The following SLC35F4 variants were observed in gnomAD, a reference collection of about 807,000 sequenced individuals.
SLC35F4 encodes the protein solute carrier family 35 member F4.
In SLC35F4, 24 loss-of-function variants were observed where a neutral mutation model predicts 44.2. The ratio of observed to expected loss-of-function variants is 0.54; its 90% CI spans 0.39 to 0.76. The LOEUF is 0.76. Ranked by LOEUF, SLC35F4 falls within the 30% of genes least tolerant of loss-of-function variation. SLC35F4 has a pLI of 0.00. For synonymous variants in SLC35F4, 238 were observed against 223.6 expected (o/e 1.06, Z -0.57); for missense variants, 562 against 586.1 (o/e 0.96, Z 0.42).
intron 1 of SLC35F4, among the ~76,000 whole-genome samples, chr14:57,727,068 G>A (rs1025577999): frequency 6.6e-6 from 1 of 151,804 alleles, no homozygotes; most frequent in Non-Finnish European, 1.5e-5. Flanking sequence ...CTTGCAGATG[G>A]CCTATTGTGG....
chr14:57,954,669 A>G (rs953393227), intron 1 of SLC35F4, among the ~76,000 whole-genome samples: 1 of 152,194 alleles, frequency 6.6e-6, no homozygotes, highest in Non-Finnish European at 1.5e-5. Context: ...AAACTAGAAA[A>G]TCTAAAAGAA....
At chr14:57,697,775 G>C (rs1309364605) in intron 1 of SLC35F4, among the ~76,000 whole-genome samples, 2 of 151,742 alleles carry the variant, frequency 1.3e-5, no homozygotes, top group Non-Finnish European at 2.9e-5. Context: ...TAAGTTAACA[G>C]TCTGACATTT....
chr14:57,605,490 C>T (rs567902713), intron 1 of SLC35F4, among the ~76,000 whole-genome samples: 15 of 152,166 alleles, frequency 9.9e-5, no homozygotes, highest in South Asian at 2.1e-4. Context: ...AAATGAAATA[C>T]TTATATACTG....
chr14:57,751,643 T>C (rs1192006557), intron 1 of SLC35F4, among the ~76,000 whole-genome samples: 5 of 152,234 alleles, frequency 3.3e-5, no homozygotes, highest in Admixed American at 6.5e-5. Flanking sequence ...AGGCTCCTTA[T>C]AGTTTGAAGG....
Position 57,652,258 on chromosome 14 carries a change from A to G in SLC35F4, c.104-58134T>C, listed in dbSNP as rs74336666. Among the ~76,000 whole-genome samples the G allele has an allele frequency of 2.0e-4, 31 of 152,254 alleles. No individual in the cohort carries two copies. In the East Asian group the frequency reaches 3.9e-3, roughly 19 times the overall value. ...CTAGAATTTTAATGACTATCAATAA[A>G]CCAGAAACAAGAAATAAAAAGAAAC... On this transcript the variant is annotated intron_variant, in intron 1 of 7. Transcript: ENST00000556826.
intron 1 of SLC35F4, among the ~76,000 whole-genome samples, chr14:57,912,397 ACAAATTTCC>A (rs138182045): frequency 0.044 from 6,761 of 152,100 alleles, 422 homozygotes; most frequent in African/African-American, 0.14. Flanking sequence ...ACTCAAAGCA[ACAAATTTCC>A]CTTTAGAAAC....
intron 1 of SLC35F4, among the ~76,000 whole-genome samples, chr14:57,617,607 T>TCA (rs1177311121): frequency 6.6e-6 from 1 of 152,188 alleles, no homozygotes; most frequent in African/African-American, 2.4e-5. Context: ...ATGATGACCC[T>TCA]CACCTCACAG....
intron 1 of SLC35F4, among the ~76,000 whole-genome samples, chr14:57,601,118 C>T (rs2070801092): frequency 6.6e-6 from 1 of 151,916 alleles, no homozygotes; most frequent in African/African-American, 2.4e-5. Context: ...TTTAAAATAA[C>T]TTGGCTGTTG....
chr14:57,752,849 C>T (rs1355554304), intron 1 of SLC35F4, among the ~76,000 whole-genome samples: 1 of 152,180 alleles, frequency 6.6e-6, no homozygotes. Context: ...GAAACACTGA[C>T]ACCTCAGGAA....
intron 1 of SLC35F4, among the ~76,000 whole-genome samples, chr14:57,805,644 A>T (rs948645541): frequency 3.9e-5 from 6 of 152,128 alleles, no homozygotes; most frequent in Non-Finnish European, 5.9e-5. Flanking sequence ...GGGGAGAGAG[A>T]GCATCAGGAA....
At chr14:57,838,518 C>T (rs1039031711) in intron 1 of SLC35F4, among the ~76,000 whole-genome samples, 8 of 152,130 alleles carry the variant, frequency 5.3e-5, no homozygotes, top group African/African-American at 1.7e-4. Flanking sequence ...CTGAGCTTTG[C>T]TACATGAAAT....
At chr14:57,966,560 C>G (rs999899736) in intron 1 of SLC35F4, among the ~76,000 whole-genome samples, 1 of 152,164 alleles carries the variant, frequency 6.6e-6, no homozygotes, top group African/African-American at 2.4e-5. Flanking sequence ...TATATCACTG[C>G]TGACAAACTA....
chr14:57,768,380 A>T (rs1446983094), intron 1 of SLC35F4, among the ~76,000 whole-genome samples: 1 of 152,220 alleles, frequency 6.6e-6, no homozygotes, highest in African/African-American at 2.4e-5. Flanking sequence ...TTAGTCAAAG[A>T]GGTAAGAAAA....
intron 1 of SLC35F4, among the ~76,000 whole-genome samples, chr14:57,651,837 T>C (rs1353743678): frequency 1.3e-5 from 2 of 152,140 alleles, no homozygotes; most frequent in Non-Finnish European, 2.9e-5. Flanking sequence ...AAGTTTATCC[T>C]CCTCTGTCCA....
At chr14:57,910,041 A>G (rs1248663880) in intron 1 of SLC35F4, among the ~76,000 whole-genome samples, 1 of 152,086 alleles carries the variant, frequency 6.6e-6, no homozygotes, top group Non-Finnish European at 1.5e-5. Flanking sequence ...ACAATTCCCT[A>G]ATGATATATG....
At chr14:57,932,756 G>C (rs1889722383) in intron 1 of SLC35F4, among the ~76,000 whole-genome samples, 1 of 152,110 alleles carries the variant, frequency 6.6e-6, no homozygotes, top group Admixed American at 6.5e-5. Flanking sequence ...GGCTGAGACA[G>C]GAAAATTGCT....
intron 1 of SLC35F4, among the ~76,000 whole-genome samples, chr14:57,907,327 G>A (rs753236206): frequency 2.0e-5 from 3 of 152,186 alleles, no homozygotes; most frequent in Non-Finnish European, 4.4e-5. Flanking sequence ...CAAAATCTGT[G>A]TGGCTCACTT....
intron 1 of SLC35F4, among the ~76,000 whole-genome samples, chr14:57,896,871 A>T (rs1459164527): frequency 6.6e-6 from 1 of 152,170 alleles, no homozygotes; most frequent in East Asian, 1.9e-4. Flanking sequence ...CAATCCCAGC[A>T]TGGGATTTGG....
At chr14:57,872,423 G>C (rs879913294) in intron 1 of SLC35F4, among the ~76,000 whole-genome samples, 5 of 151,750 alleles carry the variant, frequency 3.3e-5, no homozygotes, top group African/African-American at 1.2e-4. Context: ...TAAAAAGATC[G>C]CACCAAATAA....
Sources: allele counts gnomAD v4.1 joint callset (sites outside exome capture counted in the v4.1 genomes callset), GRCh38; gene constraint gnomAD v4.1.1; transcripts MANE v1.5; gene names NCBI Gene and HGNC (gene_info 2026-07-23, HGNC 2026-07-21).